TRABD2B: variants seen among roughly 807,000 people sequenced by gnomAD.
TRABD2B encodes the protein TraB domain containing 2B.
Under a neutral mutation model 40.1 loss-of-function variants are expected in TRABD2B, and 14 were observed. The observed-to-expected ratio is 0.35, with a 90% CI of 0.23 to 0.55. The LOEUF (loss-of-function observed/expected upper bound fraction) is 0.55, where lower values mean the gene tolerates loss of function less well. TRABD2B is among the 20% of genes least tolerant of loss of function. TRABD2B has a pLI of 0.90. For synonymous variants in TRABD2B, 263 were observed against 277.0 expected (o/e 0.95, Z 0.50); for missense variants, 541 against 648.6 (o/e 0.83, Z 1.80).
At chr1:47,915,491 C>T (rs1250841156) in intron 2 of TRABD2B, among the ~76,000 whole-genome samples, 1 of 152,214 alleles carries the variant, frequency 6.6e-6, no homozygotes, top group Non-Finnish European at 1.5e-5. Context: ...ATCCCACTAA[C>T]AGGCTGTGAG....
At position 47,997,086 on chromosome 1, in the gene TRABD2B, G is replaced by A; in HGVS notation, c.-297C>T. 2.0e-6 allele frequency: 2 copies of A among 983,984 alleles called. No individual in the cohort carries two copies. Among genetic ancestry groups the A allele is most frequent in the South Asian group, 9.4e-5 (2 of 21,244 alleles). 61.0% of individuals were successfully genotyped at this position (983,984 alleles called of 1,614,324 possible). On this transcript the variant is annotated 5_prime_UTR_variant, in exon 1 of 7. Transcript: ENST00000606738. The stretch of plus-strand genomic sequence containing the variant: ...GTGTTGGGGTCCGGGGGCGCGCGGG[G>A]TCCCGGAGCTGCGTCGCGGTCCAGG...
intron 2 of TRABD2B, among the ~76,000 whole-genome samples, chr1:47,834,308 C>T (rs990047051): frequency 5.9e-5 from 9 of 152,124 alleles, no homozygotes; most frequent in Non-Finnish European, 1.0e-4. Context: ...AAGAGACTAA[C>T]CAAAAAGCTT....
chr1:47,924,075 G>C (rs1025991624), intron 2 of TRABD2B, among the ~76,000 whole-genome samples: 68 of 152,172 alleles, frequency 4.5e-4, no homozygotes, highest in African/African-American at 1.5e-3. Context: ...ATCACTCAAA[G>C]GGGCAGCTGT....
At chr1:47,899,842 T>A (rs1644575542) in intron 2 of TRABD2B, among the ~76,000 whole-genome samples, 1 of 152,256 alleles carries the variant, frequency 6.6e-6, no homozygotes, top group Non-Finnish European at 1.5e-5. Flanking sequence ...GTCAGTGCTG[T>A]CAGAGTGCAG....
At chr1:47,941,289 G>A (rs145463054) in intron 2 of TRABD2B, among the ~76,000 whole-genome samples, 4 of 151,954 alleles carry the variant, frequency 2.6e-5, no homozygotes, top group African/African-American at 4.8e-5. Flanking sequence ...ACCCTCCCCC[G>A]CCACCAGACC....
intron 2 of TRABD2B, among the ~76,000 whole-genome samples, chr1:47,881,503 T>G (rs1280665712): frequency 6.6e-6 from 1 of 152,242 alleles, no homozygotes; most frequent in Admixed American, 6.5e-5. Flanking sequence ...AGATTGGTAC[T>G]ATTGTTACCG....
At chr1:47,885,188 T>C (rs1644354603) in intron 2 of TRABD2B, among the ~76,000 whole-genome samples, 1 of 152,194 alleles carries the variant, frequency 6.6e-6, no homozygotes, top group South Asian at 2.1e-4. Context: ...TCCAAAACTT[T>C]TGCACATGCC....
intron 3 of TRABD2B, 84 bp downstream of exon 3, chr1:47,801,389 G>T: frequency 7.3e-7 from 1 of 1,372,520 alleles, no homozygotes; most frequent in Non-Finnish European, 9.9e-7. Context: ...TCTTGCCATG[G>T]CTGGAGAGAA....
intron 2 of TRABD2B, among the ~76,000 whole-genome samples, chr1:47,849,153 C>T (rs1645512870): frequency 2.0e-5 from 3 of 152,196 alleles, no homozygotes; most frequent in Admixed American, 2.0e-4. Context: ...GCTCCCACCC[C>T]CAGGACCTCA....
At chr1:47,917,294 T>C (rs918977498) in intron 2 of TRABD2B, among the ~76,000 whole-genome samples, 6 of 152,224 alleles carry the variant, frequency 3.9e-5, no homozygotes, top group Non-Finnish European at 7.3e-5. Flanking sequence ...ACTGAGATTC[T>C]AGCCTATCTT....
chr1:47,838,228 C>G (rs1645345510), intron 2 of TRABD2B, among the ~76,000 whole-genome samples: 1 of 152,248 alleles, frequency 6.6e-6, no homozygotes. Flanking sequence ...CTAAGCTAAG[C>G]TGACCTTTCT....
chr1:47,873,672 C>T (rs543029142), intron 2 of TRABD2B, among the ~76,000 whole-genome samples: 4 of 152,190 alleles, frequency 2.6e-5, no homozygotes, highest in South Asian at 2.1e-4. Context: ...GGTCTGAACA[C>T]GTGTCAAGCC....
chr1:47,897,587 G>A lies in TRABD2B; in HGVS notation c.667-95968C>T, dbSNP rs576827559. Among the ~76,000 whole-genome samples the A allele has an allele frequency of 3.3e-5, 5 of 152,244 alleles. No homozygotes were observed. The South Asian group carries it at 8.3e-4, about 25-fold the overall frequency. ...GGAAGAAATAGCTCTTCTTTTAAAA[G>A]GCAAGGTAGGGCCACCATATCTCAG... On this transcript the variant is annotated intron_variant, in intron 2 of 6. Transcript: ENST00000606738.
chr1:47,841,903 C>T (rs1322060131), intron 2 of TRABD2B, among the ~76,000 whole-genome samples: 1 of 151,120 alleles, frequency 6.6e-6, no homozygotes, highest in Non-Finnish European at 1.5e-5. Context: ...TCCTGAGTAG[C>T]TGGGATTACA....
chr1:47,862,159 G>A (rs572504151), intron 2 of TRABD2B, among the ~76,000 whole-genome samples: 18 of 152,278 alleles, frequency 1.2e-4, no homozygotes, highest in Non-Finnish European at 2.1e-4. Flanking sequence ...TAAGAAACTC[G>A]AAGCTTTCTC....
chr1:47,942,883 A>G (rs1478986657), intron 2 of TRABD2B, among the ~76,000 whole-genome samples: 1 of 152,236 alleles, frequency 6.6e-6, no homozygotes, highest in Non-Finnish European at 1.5e-5. Context: ...GTGAGAGCTC[A>G]TGCTTCTTAC....
chr1:47,787,256 C>T (rs1359485632), intron 4 of TRABD2B, among the ~76,000 whole-genome samples: 1 of 152,166 alleles, frequency 6.6e-6, no homozygotes, highest in Non-Finnish European at 1.5e-5. Flanking sequence ...CTTACCCTGC[C>T]TCCTTTCAGT....
chr1:47,895,475 G>A (rs1644504980), intron 2 of TRABD2B, among the ~76,000 whole-genome samples: 1 of 152,244 alleles, frequency 6.6e-6, no homozygotes, highest in South Asian at 2.1e-4. Context: ...TCCCACCACA[G>A]TTAAAGAAAG....
At chr1:47,992,208 T>C (rs1011428604) in intron 2 of TRABD2B, among the ~76,000 whole-genome samples, 1 of 152,164 alleles carries the variant, frequency 6.6e-6, no homozygotes, top group Non-Finnish European at 1.5e-5. Context: ...TGAAATAGAA[T>C]TGGAGTCTGT....
Sources: allele counts gnomAD v4.1 joint callset (sites outside exome capture counted in the v4.1 genomes callset), GRCh38; gene constraint gnomAD v4.1.1; transcripts MANE v1.5; gene names NCBI Gene and HGNC (gene_info 2026-07-23, HGNC 2026-07-21).